SLC5A1: variants seen among roughly 807,000 people sequenced by gnomAD.
SLC5A1 encodes the protein solute carrier family 5 member 1, also known as sodium/glucose cotransporter 1.
A neutral mutation model predicts 73.5 loss-of-function variants in SLC5A1; 42 were observed. That is an observed-to-expected ratio of 0.57 (90% confidence interval 0.45 to 0.74). SLC5A1 has a LOEUF of 0.74. Ranked by LOEUF, SLC5A1 falls within the 30% of genes least tolerant of loss-of-function variation. The pLI is 0.00. For synonymous variants in SLC5A1, 300 were observed against 317.4 expected (o/e 0.95, Z 0.58); for missense variants, 634 against 855.4 (o/e 0.74, Z 3.23).
chr22:32,084,753 G>C lies in SLC5A1; in HGVS notation c.885+94G>C. The C allele has an allele frequency of 2.0e-6, 3 of 1,497,318 alleles. No individual in the cohort carries two copies. The South Asian group carries it at 3.4e-5, about 17-fold the overall frequency. The allele number at this position is 1,497,318 out of a possible 1,614,324, so 92.8% of individuals were successfully genotyped here. On this transcript the variant is annotated intron_variant, in intron 8 of 14. Transcript: ENST00000266088. ...GTGGTTTGCAGGGTTGGGACAGGGAGGGGAGAGCTCAGGTGGTTTGTAAGT... is the reference window on the plus strand; with the variant it reads ...GTGGTTTGCAGGGTTGGGACAGGGACGGGAGAGCTCAGGTGGTTTGTAAGT...
chr22:32,080,471 G>A (rs931038676), intron 5 of SLC5A1, among the ~76,000 whole-genome samples: 3 of 152,144 alleles, frequency 2.0e-5, no homozygotes, highest in Admixed American at 2.0e-4. Context: ...AAACACTGGA[G>A]GGCCCTCAGG....
intron 5 of SLC5A1, among the ~76,000 whole-genome samples, chr22:32,070,938 G>A (rs2093982008): frequency 6.6e-6 from 1 of 152,112 alleles, no homozygotes; most frequent in Admixed American, 6.5e-5. Context: ...AAGAAAATAG[G>A]ACTTTAGTAA....
chr22:32,059,330 C>T, intron 2 of SLC5A1: 1 of 985,628 alleles, frequency 1.0e-6, no homozygotes, highest in Non-Finnish European at 1.2e-6. Flanking sequence ...GAGAGGGGAA[C>T]AGACAACACA....
chr22:32,093,114 G>C (rs1218988081), intron 11 of SLC5A1, among the ~76,000 whole-genome samples: 1 of 152,074 alleles, frequency 6.6e-6, no homozygotes, highest in African/African-American at 2.4e-5. Flanking sequence ...TTGGCTCTAA[G>C]TATTTGGGTT....
chr22:32,084,330 GCT>G, intron 7 of SLC5A1, 107 bp from the exon 8 acceptor site: 1 of 910,180 alleles, frequency 1.1e-6, no homozygotes, highest in South Asian at 1.4e-5. Flanking sequence ...CTCAGTGAGG[GCT>G]CTGTCTGTGG....
chr22:32,077,190 T>C (rs5753861), intron 5 of SLC5A1, among the ~76,000 whole-genome samples: 130,851 of 151,840 alleles, frequency 0.86, 56,587 homozygotes, highest in East Asian at 0.95. Context: ...CTTTCCCTTC[T>C]GCCTCCCCTT....
At chr22:32,086,740 A>T (rs1430573329) in intron 10 of SLC5A1, among the ~76,000 whole-genome samples, 1 of 152,196 alleles carries the variant, frequency 6.6e-6, no homozygotes, top group East Asian at 1.9e-4. Context: ...TAATCCCATG[A>T]CTGGGCATAT....
chr22:32,058,680 A>T (rs148250020), intron 2 of SLC5A1, among the ~76,000 whole-genome samples: 1 of 152,298 alleles, frequency 6.6e-6, no homozygotes, highest in African/African-American at 2.4e-5. Context: ...TTTATTTGCC[A>T]ACACCAAGTA....
At chr22:32,102,766 T>C (rs1484113286) in intron 13 of SLC5A1, among the ~76,000 whole-genome samples, 1 of 152,172 alleles carries the variant, frequency 6.6e-6, no homozygotes, top group Non-Finnish European at 1.5e-5. Flanking sequence ...CTACTCTCTA[T>C]CTCCATGAGT....
At chr22:32,049,742 C>T (rs2093942793) in intron 1 of SLC5A1, among the ~76,000 whole-genome samples, 1 of 152,012 alleles carries the variant, frequency 6.6e-6, no homozygotes, top group Admixed American at 6.6e-5. Flanking sequence ...ATCTTCTGAG[C>T]CTCAGTTTCC....
chr22:32,077,281 T>C (rs1448224479), intron 5 of SLC5A1, among the ~76,000 whole-genome samples: 1 of 149,232 alleles, frequency 6.7e-6, no homozygotes, highest in African/African-American at 2.5e-5. Context: ...TCTTTCTCTC[T>C]CCCTCTGTTA....
chr22:32,073,784 C>T (rs1281621420), intron 5 of SLC5A1, among the ~76,000 whole-genome samples: 1 of 152,152 alleles, frequency 6.6e-6, no homozygotes, highest in Non-Finnish European at 1.5e-5. Context: ...GTCTCGAACT[C>T]CTGACCTCAG....
At chr22:32,075,811 C>T (rs1441533884) in intron 5 of SLC5A1, among the ~76,000 whole-genome samples, 2 of 151,996 alleles carry the variant, frequency 1.3e-5, no homozygotes, top group Non-Finnish European at 2.9e-5. Flanking sequence ...TTCGTAAATT[C>T]GGCTGGTTTT....
intron 1 of SLC5A1, among the ~76,000 whole-genome samples, chr22:32,045,226 C>G (rs2093935642): frequency 6.6e-6 from 1 of 152,198 alleles, no homozygotes; most frequent in African/African-American, 2.4e-5. Flanking sequence ...CCCAGACAAT[C>G]TCTGATAATA....
At chr22:32,098,017 A>G (rs1208420937) in intron 11 of SLC5A1, among the ~76,000 whole-genome samples, 5 of 152,236 alleles carry the variant, frequency 3.3e-5, no homozygotes, top group Non-Finnish European at 5.9e-5. Flanking sequence ...CATACACACT[A>G]GAGTGACTAA....
intron 14 of SLC5A1, among the ~76,000 whole-genome samples, chr22:32,108,567 A>G (rs143348927): frequency 1.2e-3 from 182 of 152,196 alleles, no homozygotes; most frequent in African/African-American, 4.3e-3. Context: ...AGAGACCTAC[A>G]CTTTTTGACA....
chr22:32,077,812 T>C (rs1042759113), intron 5 of SLC5A1, among the ~76,000 whole-genome samples: 1 of 152,232 alleles, frequency 6.6e-6, no homozygotes, highest in Non-Finnish European at 1.5e-5. Flanking sequence ...AGACTATGTT[T>C]TTATATTTTT....
At chr22:32,100,758 G>A (rs2094034959) in intron 12 of SLC5A1, among the ~76,000 whole-genome samples, 1 of 152,088 alleles carries the variant, frequency 6.6e-6, no homozygotes, top group Non-Finnish European at 1.5e-5. Flanking sequence ...GGATGAATAG[G>A]GAACATATTT....
At chr22:32,109,079 G>T (rs1034141790) in intron 14 of SLC5A1, among the ~76,000 whole-genome samples, 7 of 152,054 alleles carry the variant, frequency 4.6e-5, no homozygotes, top group South Asian at 2.1e-4. Context: ...AGACCGAGGT[G>T]GGGGGGATCA....
Sources: gnomAD v4.1 joint callset for allele counts (sites outside exome capture counted in the v4.1 genomes callset) on GRCh38, gnomAD v4.1.1 for gene constraint, MANE v1.5 for transcripts, NCBI Gene and HGNC (gene_info 2026-07-23, HGNC 2026-07-21) for gene names.